Variants in ADAMTS17 observed in about 807,000 individuals in gnomAD.
The protein encoded by ADAMTS17 is A disintegrin and metalloproteinase with thrombospondin motifs 17.
ADAMTS17 carries 113 observed loss-of-function variants against 141.5 expected under a neutral mutation model. That is an observed-to-expected ratio of 0.80 (90% CI 0.69 to 0.93). ADAMTS17 has a LOEUF of 0.93. ADAMTS17 is among the 40% of genes least tolerant of loss of function. ADAMTS17 has a pLI of 0.00. For missense variants in ADAMTS17, 1,659 were observed against 1,517.9 expected (o/e 1.09, Z -1.54); for synonymous variants, 768 against 630.6 (o/e 1.22, Z -3.27).
chr15:100,281,792 A>C (rs2044293672), intron 3 of ADAMTS17, among the ~76,000 whole-genome samples: 1 of 152,198 alleles, frequency 6.6e-6, no homozygotes, highest in South Asian at 2.1e-4. Context: ...AAGGTGGATA[A>C]CTGGACCAAG....
At position 100,117,007 on chromosome 15, in the gene ADAMTS17, C is replaced by A. The variant is rs761770962; in HGVS notation, c.1728G>T (p.Gly576=). ...RQRKCDNPPP[G]PGGTHCPGAS... ...CACCCGGGCAGTGTGTGCCTCCAGG[C>A]CCAGGGCTAGAAGGAAGAAGAAGGT... The change falls in exon 13 of 22, where the codon GGG becomes GGT. Residue 576 remains glycine, a synonymous_variant. Transcript: ENST00000268070. The A allele has an allele frequency of 4.3e-6, 7 of 1,610,164 alleles. No individual in the cohort carries two copies. The South Asian group carries it at 7.7e-5, about 18-fold the overall frequency.
intron 20 of ADAMTS17, among the ~76,000 whole-genome samples, chr15:99,991,875 A>T (rs2060697372): frequency 6.6e-6 from 1 of 152,192 alleles, no homozygotes; most frequent in African/African-American, 2.4e-5. Context: ...CTTTGCAGGG[A>T]CATGGATGAA....
At chr15:100,058,189 CCT>C (rs2032771294) in intron 15 of ADAMTS17, among the ~76,000 whole-genome samples, 1 of 116,278 alleles carries the variant, frequency 8.6e-6, no homozygotes, top group Non-Finnish European at 1.9e-5. Flanking sequence ...CTCTAACACC[CCT>C]ATCCCAGCTC....
intron 4 of ADAMTS17, among the ~76,000 whole-genome samples, chr15:100,275,172 G>A (rs1036566298): frequency 6.6e-5 from 10 of 152,218 alleles, no homozygotes; most frequent in South Asian, 4.1e-4. Context: ...CACAAGGCAC[G>A]TAAGCAGAGC....
intron 20 of ADAMTS17, among the ~76,000 whole-genome samples, chr15:99,983,839 CG>C (rs1380728271): frequency 1.3e-5 from 2 of 152,188 alleles, no homozygotes; most frequent in Non-Finnish European, 2.9e-5. Context: ...AAGAGACTGA[CG>C]GAATCCTGAC....
rs72755244 is a variant in ADAMTS17, at chr15:100,181,858, C to T, written c.1181+17460G>A. Reference sequence around the variant, plus strand: ...TTAAGTTGCATGCCCCCCAAGTCCACTGGCTCCAAGTCCAACACAGCACTA... The same window carrying T: ...TTAAGTTGCATGCCCCCCAAGTCCATTGGCTCCAAGTCCAACACAGCACTA... On this transcript the variant is annotated intron_variant, in intron 8 of 21. Coordinates refer to ENST00000268070, the MANE Select transcript of ADAMTS17 (RefSeq NM_139057.4). Among the ~76,000 whole-genome samples, 1,423 of 152,368 alleles carry T rather than the reference C, an allele frequency of 9.3e-3. 11 individuals carry two copies. Among genetic ancestry groups the T allele is most frequent in the Middle Eastern group, 0.031 (9 of 294 alleles).
chr15:100,134,863 T>C (rs73482646), intron 10 of ADAMTS17, among the ~76,000 whole-genome samples: 2,126 of 152,258 alleles, frequency 0.014, 43 homozygotes, highest in African/African-American at 0.047. Flanking sequence ...CATGTTCCCA[T>C]GATTGTTCAC....
At chr15:100,217,415 C>G (rs538735403) in intron 7 of ADAMTS17, among the ~76,000 whole-genome samples, 1 of 152,150 alleles carries the variant, frequency 6.6e-6, no homozygotes, top group Admixed American at 6.5e-5. Flanking sequence ...CTGGCCAACA[C>G]GGGAAAACCC....
In ADAMTS17 at chr15:99,988,616, C is replaced by T. The variant is rs545464199; in HGVS notation, c.2949+4432G>A. ...CTTACTGCAGGGACAGCTTGTCAAA[C>T]GGGCTGTGGCAAAAGTGGGCACAGT... On this transcript the variant is annotated intron_variant, in intron 20 of 21. Transcript: ENST00000268070. Among the ~76,000 whole-genome samples the T allele has an allele frequency of 2.1e-4, 32 of 152,344 alleles. No homozygotes were observed. In the South Asian group the frequency reaches 2.5e-3, roughly 12 times the overall value.
intron 7 of ADAMTS17, among the ~76,000 whole-genome samples, chr15:100,226,007 G>A (rs1180992631): frequency 1.4e-5 from 2 of 139,004 alleles, no homozygotes; most frequent in Non-Finnish European, 3.1e-5. Context: ...TAGCCTCTGT[G>A]CCATTCAGTC....
At position 99,973,539 on chromosome 15, in the gene ADAMTS17, C is replaced by G. The variant is rs1367503292; in HGVS notation, c.*863G>C. On this transcript the variant is annotated 3_prime_UTR_variant, in exon 22 of 22. Coordinates refer to ENST00000268070, the MANE Select transcript of ADAMTS17 (RefSeq NM_139057.4). ...ATGTTCCCGGAAGGCGGGGCAGGTG[C>G]CCATCCGCCCCAGTGAAGCTGGCCC... is the stretch of plus-strand genomic sequence containing the variant. 2 of 152,326 alleles carry G rather than the reference C, an allele frequency of 1.3e-5. No homozygotes were observed. Among genetic ancestry groups the G allele is most frequent in the Non-Finnish European group, 2.9e-5 (2 of 68,146 alleles). 9.4% of individuals were successfully genotyped at this position (152,326 alleles called of 1,614,324 possible).
At chr15:100,108,179 T>A (rs1309178904) in intron 14 of ADAMTS17, among the ~76,000 whole-genome samples, 1 of 151,570 alleles carries the variant, frequency 6.6e-6, no homozygotes, top group East Asian at 1.9e-4. Flanking sequence ...ATTCCTTTTT[T>A]TTTTCCCCCC....
At chr15:100,199,505 A>G (rs745537288) in intron 7 of ADAMTS17, 82 bp from the exon 8 acceptor site, 107 of 1,153,948 alleles carry the variant, frequency 9.3e-5, no homozygotes, top group Non-Finnish European at 1.3e-4. Context: ...GGTCAACGTC[A>G]TGCACAATCA....
chr15:100,179,402 A>G (rs1342738220), intron 8 of ADAMTS17, among the ~76,000 whole-genome samples: 1 of 151,586 alleles, frequency 6.6e-6, no homozygotes, highest in Non-Finnish European at 1.5e-5. Flanking sequence ...CATTCTTTCT[A>G]CTCCATTGTG....
intron 7 of ADAMTS17, among the ~76,000 whole-genome samples, chr15:100,237,301 C>T (rs1427319995): frequency 6.6e-6 from 1 of 152,164 alleles, no homozygotes; most frequent in Admixed American, 6.5e-5. Context: ...AGCCTCAGGC[C>T]CCTGGGCTTC....
intron 14 of ADAMTS17, among the ~76,000 whole-genome samples, chr15:100,102,398 G>C (rs1009793597): frequency 4.7e-5 from 5 of 105,758 alleles, no homozygotes; most frequent in Non-Finnish European, 9.1e-5. Context: ...CCGACCGAAG[G>C]GGATCTACAT....
In ADAMTS17 at chr15:100,140,484, C is replaced by CATAT. The variant is rs1164353969; in HGVS notation, c.1474-7170_1474-7169insATAT. Among the ~76,000 whole-genome samples the CATAT allele has an allele frequency of 6.4e-4, 26 of 40,888 alleles. 2 individuals carry two copies. Among genetic ancestry groups the CATAT allele is most frequent in the African/African-American group, 1.2e-3 (23 of 19,450 alleles). The allele number at this position is 40,888 out of a possible 152,430, so 26.8% of individuals were successfully genotyped here. On this transcript the variant is annotated intron_variant, in intron 10 of 21. Coordinates refer to ENST00000268070, the MANE Select transcript of ADAMTS17 (RefSeq NM_139057.4). ...ACACACACACAGACACACACACATACATACATATATATATATATATATATC... is the reference window on the plus strand; with the variant it reads ...ACACACACACAGACACACACACATACATATATACATATATATATATATATATATC...
rs1476595625 is a variant in ADAMTS17 at position 100,292,349 on chromosome 15, ACTCACCCCGTGTGAAATTACGAGAGATG to A, written c.617-10976_617-10949del. ...CAGCCCGTGTGGAATTACGAGAGAC[ACTCACCCCGTGTGAAATTACGAGAGATG>A]CTCACCCCGTGTGAAATTACGAGAG... On this transcript the variant is annotated intron_variant, in intron 3 of 21. Coordinates refer to ENST00000268070, the MANE Select transcript of ADAMTS17 (RefSeq NM_139057.4). 4.9e-3 allele frequency among the ~76,000 whole-genome samples: 722 copies of A among 146,124 alleles called. 12 individuals carry two copies. In the East Asian group the frequency reaches 0.064, roughly 13 times the overall value.
At chr15:100,196,993 A>G (rs1272664753) in intron 8 of ADAMTS17, among the ~76,000 whole-genome samples, 2 of 152,248 alleles carry the variant, frequency 1.3e-5, no homozygotes, top group East Asian at 3.9e-4. Context: ...TTGGAGTTCA[A>G]TAGCAAGCTA....
Sources: allele counts gnomAD v4.1 joint callset (sites outside exome capture counted in the v4.1 genomes callset), GRCh38; gene constraint gnomAD v4.1.1; transcripts MANE v1.5; gene names NCBI Gene and HGNC (gene_info 2026-07-23, HGNC 2026-07-21).